The following VPS13D variants were observed in gnomAD, a reference collection of about 807,000 sequenced individuals.
VPS13D encodes intermembrane lipid transfer protein VPS13D.
In VPS13D, 187 loss-of-function variants were observed where a neutral mutation model predicts 461.9. That is an observed-to-expected ratio of 0.40 (90% CI 0.36 to 0.46). The LOEUF is 0.46. Ranked by LOEUF, VPS13D falls within the 20% of genes least tolerant of loss-of-function variation. VPS13D has a pLI of 0.60. For missense variants in VPS13D, 4,711 were observed against 5,364.9 expected, an observed-to-expected ratio of 0.88 and a Z score of 3.81; for synonymous variants, 1,951 against 1,986.3, an observed-to-expected ratio of 0.98 and a Z score of 0.47.
At chr1:12,325,668 T>G (rs146468404) in intron 35 of VPS13D, among the ~76,000 whole-genome samples, 175 of 152,330 alleles carry the variant, frequency 1.1e-3, no homozygotes, top group Middle Eastern at 3.4e-3. Flanking sequence ...TTATAGTCTT[T>G]TAAAAATATT....
intron 68 of VPS13D, among the ~76,000 whole-genome samples, chr1:12,500,450 T>G (rs1414061455): frequency 1.3e-5 from 2 of 152,018 alleles, no homozygotes; most frequent in African/African-American, 4.8e-5. Context: ...TTTTTTAAGG[T>G]ACCTATTTTA....
rs1466840421 is a variant in VPS13D, at chr1:12,401,606, A to G, written c.11785-2A>G. 1 of 1,606,992 alleles carries G rather than the reference A, an allele frequency of 6.2e-7. No homozygotes were observed. Among genetic ancestry groups the G allele is most frequent in the Non-Finnish European group, 8.5e-7 (1 of 1,174,292 alleles). ...TTTAAATCAGAATTTCTTTATCTCT[A>G]GCATCTGATGATCACAGCTCAGAGA... On this transcript the variant is annotated splice_acceptor_variant, in intron 61 of 69. Transcript: ENST00000620676. LOFTEE classifies it high-confidence loss of function.
At position 12,343,198 on chromosome 1, in the gene VPS13D, G is replaced by T. The variant is rs1643608854; in HGVS notation, c.8885+147G>T. On this transcript the variant is annotated intron_variant, in intron 42 of 69. Coordinates refer to ENST00000620676, the MANE Select transcript of VPS13D (RefSeq NM_015378.4). ...TATTTTATTTTATTTTTGAGACAGGGTCTTCTTGCTCTGTTGCCCAGGCTG... is the reference window on the plus strand; with the variant it reads ...TATTTTATTTTATTTTTGAGACAGGTTCTTCTTGCTCTGTTGCCCAGGCTG... 6.1e-6 allele frequency: 4 copies of T among 654,626 alleles called. No homozygotes were observed. In the South Asian group the frequency reaches 1.5e-4, roughly 24 times the overall value. 40.6% of individuals were successfully genotyped at this position (654,626 alleles called of 1,614,324 possible).
chr1:12,341,414 C>T (rs1030322798), intron 40 of VPS13D, among the ~76,000 whole-genome samples: 1 of 152,202 alleles, frequency 6.6e-6, no homozygotes, highest in Non-Finnish European at 1.5e-5. Context: ...TAAATAAGTA[C>T]ATATGATATA....
At chr1:12,456,693 G>T (rs1007819141) in intron 66 of VPS13D, among the ~76,000 whole-genome samples, 1 of 151,134 alleles carries the variant, frequency 6.6e-6, no homozygotes, top group South Asian at 2.1e-4. Context: ...ATCCTGTGTT[G>T]GCGTACCTGA....
intron 65 of VPS13D, among the ~76,000 whole-genome samples, chr1:12,428,364 A>G (rs1258228660): frequency 1.3e-5 from 2 of 152,172 alleles, no homozygotes; most frequent in African/African-American, 2.4e-5. Context: ...TTCCTTTTCT[A>G]TTACACACCA....
At chr1:12,393,091 AT>A (rs1237265358) in intron 60 of VPS13D, among the ~76,000 whole-genome samples, 2 of 152,188 alleles carry the variant, frequency 1.3e-5, no homozygotes, top group African/African-American at 4.8e-5. Context: ...ACACCACTAG[AT>A]CCCTAGAAAT....
intron 21 of VPS13D, among the ~76,000 whole-genome samples, chr1:12,285,281 TTTATTTA>T (rs1405171486): frequency 1.3e-5 from 2 of 149,098 alleles, no homozygotes; most frequent in African/African-American, 4.9e-5. Flanking sequence ...TATTTATTTA[TTTATTTA>T]TTTATTTATT....
At chr1:12,317,713 C>G (rs1029437042) in intron 30 of VPS13D, among the ~76,000 whole-genome samples, 2 of 151,952 alleles carry the variant, frequency 1.3e-5, no homozygotes, top group African/African-American at 4.8e-5. Context: ...CCACTGCATT[C>G]CAGTCTGGGC....
At chr1:12,322,824 A>G (rs2101532550) in intron 34 of VPS13D, 78 bp downstream of exon 34, 1 of 1,283,730 alleles carries the variant, frequency 7.8e-7, no homozygotes, top group Non-Finnish European at 1.1e-6. Flanking sequence ...TTTCTTTTGC[A>G]CAACTAAATT....
In VPS13D at chr1:12,321,894, A is replaced by T; in HGVS notation, c.7634A>T (p.Asn2545Ile). Residue 2545 changes from asparagine (N) to isoleucine (I), a missense_variant, in exon 33 of 70, where the codon AAT becomes ATT. Physicochemically the swap from Asn to Ile is moderately radical, Grantham distance 149. Transcript: ENST00000620676. ...CAAATTCAAATGGAGTTGGTGGGGA[A>T]TTCTTCTTATCAAAATAGTTCAGGA... Reference protein sequence around the residue: ...PVQIQMELVGNSSYQNSSGLM... With the variant: ...PVQIQMELVGISSYQNSSGLM... 6.2e-7 allele frequency: 1 copy of T among 1,613,762 alleles called. No homozygotes were observed. Among genetic ancestry groups the T allele is most frequent in the Non-Finnish European group, 8.5e-7 (1 of 1,179,908 alleles).
chr1:12,378,160 C>T (rs1281849214), intron 55 of VPS13D, among the ~76,000 whole-genome samples: 1 of 152,050 alleles, frequency 6.6e-6, no homozygotes, highest in East Asian at 1.9e-4. Flanking sequence ...GAAAAAAACT[C>T]GGTTATGAAA....
chr1:12,266,133 C>G (rs1196203019), intron 13 of VPS13D, among the ~76,000 whole-genome samples: 1 of 152,128 alleles, frequency 6.6e-6, no homozygotes, highest in African/African-American at 2.4e-5. Flanking sequence ...CCACTGCACT[C>G]CAGCCTGGGT....
chr1:12,237,326 CA>C (rs60266660), intron 2 of VPS13D, among the ~76,000 whole-genome samples: 20,262 of 100,828 alleles, frequency 0.2, 2,472 homozygotes, highest in African/African-American at 0.39. Flanking sequence ...CCCTTTTCTA[CA>C]AAAAAAAAAA....
intron 10 of VPS13D, 45 bp downstream of exon 10, chr1:12,258,148 A>G (rs761858300): frequency 1.9e-6 from 3 of 1,603,996 alleles, no homozygotes; most frequent in Non-Finnish European, 2.6e-6. Context: ...TTCAGAAGAT[A>G]AGAATGTTCT....
At position 12,273,068 on chromosome 1, in the gene VPS13D, T is replaced by C; in HGVS notation, c.2169T>C (p.Asp723=). The C allele has an allele frequency of 6.2e-7, 1 of 1,614,154 alleles. No homozygotes were observed. Among genetic ancestry groups the C allele is most frequent in the Non-Finnish European group, 8.5e-7 (1 of 1,180,000 alleles). ...CCCCTCAGGTGATATTTCCTGATGATTTCAAATTCAAGAATCCTGTGTTAG... is the reference window on the plus strand; with the variant it reads ...CCCCTCAGGTGATATTTCCTGATGACTTCAAATTCAAGAATCCTGTGTTAG... ...ISAPQVIFPD[D]FKFKNPVLVV... The change falls in exon 18 of 70, where the codon GAT becomes GAC. Residue 723 remains aspartate, a synonymous_variant. Transcript: ENST00000620676.
chr1:12,436,615 G>T (rs1042762555), intron 65 of VPS13D, among the ~76,000 whole-genome samples: 1 of 152,132 alleles, frequency 6.6e-6, no homozygotes, highest in Non-Finnish European at 1.5e-5. Context: ...GTCATGATTT[G>T]ACCATAATCT....
chr1:12,251,969 C>G (rs960404179), intron 6 of VPS13D, among the ~76,000 whole-genome samples: 2 of 152,080 alleles, frequency 1.3e-5, no homozygotes, highest in South Asian at 2.1e-4. Context: ...AGGGAGAAAC[C>G]GTCCCATGCG....
At chr1:12,238,928 C>T (rs1351330877) in intron 2 of VPS13D, among the ~76,000 whole-genome samples, 1 of 151,910 alleles carries the variant, frequency 6.6e-6, no homozygotes, top group Non-Finnish European at 1.5e-5. Context: ...CCACCATGCC[C>T]GTCTTGTTAT....
Sources: gnomAD v4.1 joint callset for allele counts (sites outside exome capture counted in the v4.1 genomes callset) on GRCh38, gnomAD v4.1.1 for gene constraint, MANE v1.5 for transcripts, NCBI Gene and HGNC (gene_info 2026-07-23, HGNC 2026-07-21) for gene names.